The following BICD1 variants were observed in gnomAD, a reference collection of about 807,000 sequenced individuals.
BICD1 encodes the protein protein bicaudal D homolog 1.
Under a neutral mutation model 92.5 loss-of-function variants are expected in BICD1, and 35 were observed. The ratio of observed to expected loss-of-function variants is 0.38; its 90% CI spans 0.29 to 0.50. The LOEUF (loss-of-function observed/expected upper bound fraction) is 0.50. BICD1 is among the 20% of genes least tolerant of loss of function. BICD1 has a pLI of 0.93. For synonymous variants in BICD1, 429 were observed against 465.1 expected (o/e 0.92, Z 1.00); for missense variants, 950 against 1,189.8 (o/e 0.80, Z 2.97).
intron 1 of BICD1, among the ~76,000 whole-genome samples, chr12:32,116,675 A>G (rs934382323): frequency 9.6e-6 from 1 of 103,836 alleles, no homozygotes; most frequent in Non-Finnish European, 2.0e-5. Flanking sequence ...GCACACCACT[A>G]TGCTGGCTAT....
chr12:32,368,661 C>G (rs1420170876), intron 9 of BICD1, among the ~76,000 whole-genome samples: 1 of 152,026 alleles, frequency 6.6e-6, no homozygotes, highest in African/African-American at 2.4e-5. Flanking sequence ...TGCCACTGCA[C>G]TCCAGCCTAG....
Position 32,379,221 on chromosome 12 carries a change from G to T in BICD1, c.*1594G>T, listed in dbSNP as rs1033204785. The T allele has an allele frequency of 1.2e-4, 19 of 152,236 alleles. No homozygotes were observed. Among genetic ancestry groups the T allele is most frequent in the African/African-American group, 3.9e-4 (16 of 41,456 alleles). 9.4% of individuals were successfully genotyped at this position (152,236 alleles called of 1,614,324 possible). On this transcript the variant is annotated 3_prime_UTR_variant, in exon 10 of 10. Transcript: ENST00000652176. ...CCAGGAGCCACTCAGCTTATTGAGC[G>T]GACATGGGTGGCACAGAAATGGAGT...
intron 1 of BICD1, among the ~76,000 whole-genome samples, chr12:32,172,439 A>G (rs1203936948): frequency 1.3e-5 from 2 of 152,230 alleles, no homozygotes; most frequent in Non-Finnish European, 2.9e-5. Flanking sequence ...TGGTGAAGAA[A>G]AAGCCCTCCA....
rs866312514 is a variant in BICD1 at position 32,374,941 on chromosome 12, C to T, written c.2841-2599C>T. Among the ~76,000 whole-genome samples, 24 of 53,750 alleles carry T rather than the reference C, an allele frequency of 4.5e-4. No individual in the cohort carries two copies. The South Asian group carries it at 0.013, about 29-fold the overall frequency. 35.3% of individuals were successfully genotyped at this position (53,750 alleles called of 152,430 possible). A position where few individuals can be genotyped will look rare whatever the true frequency, so the allele number is the denominator to read the frequency against. ...TTTTTTTTTTTTTTTTTTTTTGAGA[C>T]GGAGTCTCGCTCTGTCGTCCAGGCT... On this transcript the variant is annotated intron_variant, in intron 9 of 9. Coordinates refer to ENST00000652176, the MANE Select transcript of BICD1 (RefSeq NM_001714.4).
chr12:32,309,564 A>T (rs1387117717), intron 4 of BICD1, among the ~76,000 whole-genome samples: 1 of 152,226 alleles, frequency 6.6e-6, no homozygotes, highest in African/African-American at 2.4e-5. Flanking sequence ...AGTCAGGTGC[A>T]GTTTGGCTGC....
At chr12:32,297,050 G>T (rs752524136) in intron 3 of BICD1, among the ~76,000 whole-genome samples, 1 of 152,138 alleles carries the variant, frequency 6.6e-6, no homozygotes, top group Non-Finnish European at 1.5e-5. Flanking sequence ...TTTCTGCACA[G>T]AGCACCATTC....
chr12:32,153,829 A>G (rs1943360707), intron 1 of BICD1, among the ~76,000 whole-genome samples: 1 of 150,148 alleles, frequency 6.7e-6, no homozygotes, highest in Non-Finnish European at 1.5e-5. Flanking sequence ...TTACATATCT[A>G]ATATATATAA....
chr12:32,264,635 G>A (rs566829819), intron 2 of BICD1, among the ~76,000 whole-genome samples: 5 of 152,070 alleles, frequency 3.3e-5, no homozygotes, highest in African/African-American at 9.6e-5. Context: ...CTACAGGCAC[G>A]TGCCACCACA....
chr12:32,358,453 C>G (rs1323057311), intron 8 of BICD1, among the ~76,000 whole-genome samples: 1 of 150,982 alleles, frequency 6.6e-6, no homozygotes, highest in African/African-American at 2.4e-5. Context: ...AAAAGCCATA[C>G]AGAGGCCAGG....
chr12:32,166,314 T>C (rs1174536905), intron 1 of BICD1, among the ~76,000 whole-genome samples: 1 of 151,588 alleles, frequency 6.6e-6, no homozygotes, highest in African/African-American at 2.4e-5. Flanking sequence ...TTTTGTATTT[T>C]TAGTAAAGAC....
chr12:32,332,918 A>T (rs1592687299), intron 5 of BICD1: 1 of 985,438 alleles, frequency 1.0e-6, no homozygotes, highest in Non-Finnish European at 1.2e-6. Flanking sequence ...TGAAAGCAGA[A>T]ATCAGCAAAT....
At chr12:32,238,253 T>A (rs1012468211) in intron 2 of BICD1, among the ~76,000 whole-genome samples, 1 of 152,020 alleles carries the variant, frequency 6.6e-6, no homozygotes, top group African/African-American at 2.4e-5. Flanking sequence ...GATTTTTTTT[T>A]AAGACTTCAG....
intron 2 of BICD1, among the ~76,000 whole-genome samples, chr12:32,237,377 A>G (rs79466692): frequency 2.6e-5 from 4 of 152,352 alleles, no homozygotes; most frequent in African/African-American, 9.6e-5. Flanking sequence ...TATCCAGAAG[A>G]TCTAGCTGAG....
intron 9 of BICD1, 186 bp downstream of exon 9, chr12:32,367,931 G>A: frequency 1.8e-6 from 1 of 571,266 alleles, no homozygotes; most frequent in Non-Finnish European, 3.1e-6. Context: ...ATACAAGAGA[G>A]CTGGGGTTTA....
At chr12:32,251,311 C>A (rs911436938) in intron 2 of BICD1, among the ~76,000 whole-genome samples, 1 of 152,110 alleles carries the variant, frequency 6.6e-6, no homozygotes, top group Non-Finnish European at 1.5e-5. Flanking sequence ...CCTCCAGTCC[C>A]ATGCTATAGA....
intron 1 of BICD1, among the ~76,000 whole-genome samples, chr12:32,158,357 C>G (rs1943504484): frequency 6.6e-6 from 1 of 152,090 alleles, no homozygotes. Context: ...ATCTGCCCAC[C>G]TTGGCCTCCC....
intron 3 of BICD1, among the ~76,000 whole-genome samples, chr12:32,304,919 A>T (rs1316751146): frequency 3.3e-5 from 5 of 152,154 alleles, no homozygotes; most frequent in African/African-American, 1.2e-4. Flanking sequence ...ATACTTGAGG[A>T]GCTGAAATGG....
chr12:32,377,602 G>C lies in BICD1; in HGVS notation c.2903G>C (p.Cys968Ser), dbSNP rs201572851. The C allele has an allele frequency of 9.3e-6, 15 of 1,613,842 alleles. No homozygotes were observed. In the South Asian group the frequency reaches 1.3e-4, roughly 14 times the overall value. ...HSSSQCAPLH[C>S]LSKPPHP ...AGCTCCCAGTGCGCCCCTCTCCACT[G>C]TCTCTCCAAGCCTCCTCACCCCTAG... Residue 968 changes from cysteine to serine, a missense_variant, in exon 10 of 10, where the codon TGT becomes TCT. Physicochemically the swap from Cys to Ser is moderately radical, Grantham distance 112. Coordinates refer to ENST00000652176, the MANE Select transcript of BICD1 (RefSeq NM_001714.4).
chr12:32,276,110 G>T (rs1239984064), intron 2 of BICD1, among the ~76,000 whole-genome samples: 1 of 152,088 alleles, frequency 6.6e-6, no homozygotes, highest in East Asian at 1.9e-4. Flanking sequence ...AATTGAAACT[G>T]TAAAACTACA....
Sources: gnomAD v4.1 joint callset for allele counts (sites outside exome capture counted in the v4.1 genomes callset) on GRCh38, gnomAD v4.1.1 for gene constraint, MANE v1.5 for transcripts, NCBI Gene and HGNC (gene_info 2026-07-23, HGNC 2026-07-21) for gene names.